The following PRKAG2 variants were observed in gnomAD, a reference collection of about 807,000 sequenced individuals.
PRKAG2 encodes the protein protein kinase AMP-activated non-catalytic subunit gamma 2, also known as 5'-AMP-activated protein kinase subunit gamma-2.
PRKAG2 carries 26 observed loss-of-function variants against 69.6 expected under a neutral mutation model. The observed-to-expected ratio is 0.37, with a 90% CI of 0.27 to 0.52. The LOEUF is 0.52. Among genes scored for constraint, PRKAG2 ranks in the 20% least tolerant of loss-of-function variants. PRKAG2 has a pLI of 0.90. For synonymous variants in PRKAG2, 293 were observed against 285.0 expected (o/e 1.03, Z -0.28); for missense variants, 557 against 740.0 (o/e 0.75, Z 2.87).
chr7:151,586,905 C>T (rs1195573742), intron 6 of PRKAG2, among the ~76,000 whole-genome samples: 1 of 152,222 alleles, frequency 6.6e-6, no homozygotes, highest in Non-Finnish European at 1.5e-5. Context: ...GCTCTGCATT[C>T]TGTATTCTCT....
intron 3 of PRKAG2, among the ~76,000 whole-genome samples, chr7:151,721,966 C>T (rs1007909591): frequency 1.3e-5 from 2 of 152,162 alleles, no homozygotes; most frequent in Non-Finnish European, 2.9e-5. Context: ...TGCAGCCCAC[C>T]CTGACTACTC....
At chr7:151,748,687 T>A (rs1212170024) in intron 3 of PRKAG2, among the ~76,000 whole-genome samples, 1 of 152,072 alleles carries the variant, frequency 6.6e-6, no homozygotes, top group Non-Finnish European at 1.5e-5. Context: ...ACAAAAAAAA[T>A]CTGGTAAATG....
chr7:151,786,823 G>C (rs1192907011), intron 1 of PRKAG2, among the ~76,000 whole-genome samples: 3 of 152,204 alleles, frequency 2.0e-5, no homozygotes, highest in Non-Finnish European at 4.4e-5. Flanking sequence ...AAGGAGTCAG[G>C]AAGGCAGGCA....
intron 3 of PRKAG2, among the ~76,000 whole-genome samples, chr7:151,695,221 C>T (rs1377532099): frequency 6.6e-6 from 1 of 152,172 alleles, no homozygotes; most frequent in East Asian, 1.9e-4. Flanking sequence ...TAAATTGAAG[C>T]GACAGTCACC....
Position 151,610,275 on chromosome 7 carries a change from G to A in PRKAG2, c.755-14821C>T, listed in dbSNP as rs558942974. Among the ~76,000 whole-genome samples, 6 of 152,256 alleles carry A rather than the reference G, an allele frequency of 3.9e-5. No individual in the cohort carries two copies. The South Asian group carries it at 6.2e-4, about 16-fold the overall frequency. On this transcript the variant is annotated intron_variant, in intron 5 of 15. Coordinates refer to ENST00000287878, the MANE Select transcript of PRKAG2 (RefSeq NM_016203.4). The stretch of plus-strand genomic sequence containing the variant: ...TCCCAGCTACTTGGGAGACTGAGAC[G>A]GGAGAATGGCGTCAACCTGGGAGGC...
At chr7:151,733,450 G>A (rs557343139) in intron 3 of PRKAG2, among the ~76,000 whole-genome samples, 74 of 152,306 alleles carry the variant, frequency 4.9e-4, no homozygotes, top group Non-Finnish European at 8.4e-4. Context: ...ACAGCCAACC[G>A]TTAAACACAA....
Position 151,568,859 on chromosome 7 carries a change from T to TA in PRKAG2, c.1107-18dup. On this transcript the variant is annotated splice_polypyrimidine_tract_variant and intron_variant, in intron 10 of 15. Transcript: ENST00000287878. ...TCGAAGAGGCTGTGGGAGAAGTCAT[T>TA]AAAGTTGTTAGGAGGCTTTCGAGAA... 2 of 1,613,204 alleles carry TA rather than the reference T, an allele frequency of 1.2e-6. No homozygotes were observed. Among genetic ancestry groups the TA allele is most frequent in the Non-Finnish European group, 1.7e-6 (2 of 1,179,502 alleles).
Position 151,668,526 on chromosome 7 carries a change from G to A in PRKAG2, c.684+6894C>T, listed in dbSNP as rs547550786. Among the ~76,000 whole-genome samples the A allele has an allele frequency of 5.9e-5, 9 of 152,290 alleles. No homozygotes were observed. The South Asian group carries it at 1.5e-3, about 25-fold the overall frequency. On this transcript the variant is annotated intron_variant, in intron 4 of 15. Coordinates refer to ENST00000287878, the MANE Select transcript of PRKAG2 (RefSeq NM_016203.4). ...CCCAGCTGCTGCAGAAGCTGCTACC[G>A]ATGGCTCACACCTGCAACCTTTTTA...
At chr7:151,789,765 G>A (rs56859244) in intron 1 of PRKAG2, among the ~76,000 whole-genome samples, 26,310 of 152,128 alleles carry the variant, frequency 0.17, 5,778 homozygotes, top group African/African-American at 0.51. Flanking sequence ...GTACAGCGAG[G>A]GCATTTGGAA....
intron 4 of PRKAG2, among the ~76,000 whole-genome samples, chr7:151,635,984 T>C (rs1457304372): frequency 2.0e-5 from 3 of 151,870 alleles, no homozygotes; most frequent in Non-Finnish European, 4.4e-5. Flanking sequence ...TCTCCTGCCT[T>C]AGCCTCCGGA....
chr7:151,844,723 T>C (rs886794666), intron 1 of PRKAG2, among the ~76,000 whole-genome samples: 1 of 152,238 alleles, frequency 6.6e-6, no homozygotes, highest in Non-Finnish European at 1.5e-5. Flanking sequence ...GTCACCAGCA[T>C]GTGACCTCCA....
intron 3 of PRKAG2, among the ~76,000 whole-genome samples, chr7:151,704,938 G>T (rs775735779): frequency 1.3e-5 from 2 of 152,170 alleles, no homozygotes; most frequent in East Asian, 3.8e-4. Context: ...AAATGTTAGC[G>T]CTTAAAAGTC....
At chr7:151,832,641 G>T (rs568105956) in intron 1 of PRKAG2, among the ~76,000 whole-genome samples, 1 of 151,022 alleles carries the variant, frequency 6.6e-6, no homozygotes, top group African/African-American at 2.4e-5. Flanking sequence ...CTTCCACAGC[G>T]TGAGCCCCCC....
intron 15 of PRKAG2, chr7:151,560,123 A>T (rs1220483466): frequency 2.3e-5 from 23 of 985,056 alleles, no homozygotes; most frequent in Non-Finnish European, 2.8e-5. Flanking sequence ...CTCAAAATAT[A>T]AGTTTTTTTT....
At chr7:151,652,425 G>A (rs538441469) in intron 4 of PRKAG2, among the ~76,000 whole-genome samples, 1 of 152,032 alleles carries the variant, frequency 6.6e-6, no homozygotes, top group African/African-American at 2.4e-5. Context: ...TCACAAAGAT[G>A]GATTTATGCT....
chr7:151,646,377 C>A (rs183510120), intron 4 of PRKAG2, among the ~76,000 whole-genome samples: 1 of 152,104 alleles, frequency 6.6e-6, no homozygotes, highest in Non-Finnish European at 1.5e-5. Context: ...TAGTTTTCAC[C>A]ATGGAGGTCT....
At chr7:151,590,785 C>T (rs2151110849) in intron 6 of PRKAG2, among the ~76,000 whole-genome samples, 1 of 152,322 alleles carries the variant, frequency 6.6e-6, no homozygotes, top group Middle Eastern at 3.4e-3. Flanking sequence ...GGAATAGGTG[C>T]TAGTAACGTT....
At chr7:151,591,770 G>A (rs922096052) in intron 6 of PRKAG2, among the ~76,000 whole-genome samples, 1 of 152,162 alleles carries the variant, frequency 6.6e-6, no homozygotes, top group Non-Finnish European at 1.5e-5. Context: ...TAGGGGTGCT[G>A]TAGGAAGCCT....
At position 151,781,103 on chromosome 7, in the gene PRKAG2, A is replaced by AC. The variant is rs766311563; in HGVS notation, c.466+48dup. 1.2e-6 allele frequency: 2 copies of AC among 1,609,146 alleles called. No homozygotes were observed. Among genetic ancestry groups the AC allele is most frequent in the South Asian group, 1.1e-5 (1 of 90,878 alleles). On this transcript the variant is annotated intron_variant, in intron 3 of 15. Transcript: ENST00000287878. The surrounding 1 kb of genome is among the most constrained non-coding windows in gnomAD (Gnocchi z 6.1). ...CCGTGGATGTGTGGCTGCAGAAGAG[A>AC]CCCCCAGCACCCCAGCACCCACCTG... is the stretch of plus-strand genomic sequence containing the variant.
Sources: allele counts gnomAD v4.1 joint callset (sites outside exome capture counted in the v4.1 genomes callset), GRCh38; gene constraint gnomAD v4.1.1; non-coding constraint Gnocchi (gnomAD v3.1); transcripts MANE v1.5; gene names NCBI Gene and HGNC (gene_info 2026-07-23, HGNC 2026-07-21).